ACY1: variants seen among roughly 807,000 people sequenced by gnomAD.
The protein encoded by ACY1 is aminoacylase 1.
ACY1 carries 38 observed loss-of-function variants against 53.3 expected under a neutral mutation model. The observed-to-expected ratio is 0.71, with a 90% CI of 0.55 to 0.93. ACY1 has a LOEUF of 0.93. Among genes scored for constraint, ACY1 ranks in the 40% least tolerant of loss-of-function variants. The pLI is 0.00. For synonymous variants in ACY1, 177 were observed against 202.1 expected (o/e 0.88, Z 1.05); for missense variants, 484 against 540.9 (o/e 0.89, Z 1.04).
rs758797065 is a variant in ACY1, at chr3:51,987,430, G to A, written c.829G>A (p.Val277Met). The change falls in exon 11 of 15, where the codon GTG becomes ATG. Residue 277 changes from valine to methionine, a missense_variant. By Grantham distance (21) the Val-to-Met change is conservative (BLOSUM62 1). Transcript: ENST00000636358. ...ATMSASFDFR[V>M]APDVDFKAFE... ...CATGAGCGCCAGCTTTGACTTCCGTGTGGCACCGGATGTGGACTTCAAGGT... is the reference window on the plus strand; with the variant it reads ...CATGAGCGCCAGCTTTGACTTCCGTATGGCACCGGATGTGGACTTCAAGGT... The A allele has an allele frequency of 6.3e-5, 102 of 1,614,206 alleles. No individual in the cohort carries two copies. Among genetic ancestry groups the A allele is most frequent in the Non-Finnish European group, 8.4e-5 (99 of 1,180,028 alleles).
In ACY1 at chr3:51,988,504, C is replaced by T. The variant is rs1701152861; in HGVS notation, c.922-20C>T. 1.2e-6 allele frequency: 2 copies of T among 1,611,150 alleles called. No homozygotes were observed. Among genetic ancestry groups the T allele is most frequent in the Non-Finnish European group, 1.7e-6 (2 of 1,177,404 alleles). ...TGCCCAGGCCCATGTCCTGATCCTG[C>T]CATTCTTCCTGTCCCTCAGAAGTGG... On this transcript the variant is annotated intron_variant, in intron 12 of 14. Coordinates refer to ENST00000636358, the MANE Select transcript of ACY1 (RefSeq NM_000666.3).
chr3:51,985,441 C>T lies in ACY1; in HGVS notation c.240C>T (p.His80=). The T allele has an allele frequency of 6.2e-7, 1 of 1,614,104 alleles. No individual in the cohort carries two copies. Among genetic ancestry groups the T allele is most frequent in the Non-Finnish European group, 8.5e-7 (1 of 1,180,022 alleles). ...PTLSSILLNS[H]TDVVPVFKEH... ...TCTCCTCCATCTTGCTCAACTCCCA[C>T]ACGGATGTGGTGCCTGTCTTCAAGG... The change falls in exon 4 of 15, where the codon CAC becomes CAT. Residue 80 remains histidine, a synonymous_variant. Transcript: ENST00000636358.
At chr3:51,986,533 C>T in intron 7 of ACY1, 29 bp downstream of exon 7, 1 of 1,614,126 alleles carries the variant, frequency 6.2e-7, no homozygotes, top group Non-Finnish European at 8.5e-7. Flanking sequence ...CAATGAGCAG[C>T]CAGGCAGGGA....
Position 51,986,622 on chromosome 3 carries a change from G to A in ACY1, c.544G>A (p.Asp182Asn), listed in dbSNP as rs781031234. 6.2e-7 allele frequency: 1 copy of A among 1,614,160 alleles called. No individual in the cohort carries two copies. Among genetic ancestry groups the A allele is most frequent in the Non-Finnish European group, 8.5e-7 (1 of 1,180,026 alleles). Reference sequence around the variant, plus strand: ...CTCCTCAGGCATAGCCAATCCCACTGATGCCTTCACTGTCTTTTATAGTGA... The same window carrying A: ...CTCCTCAGGCATAGCCAATCCCACTAATGCCTTCACTGTCTTTTATAGTGA... Reference protein sequence around the residue: ...ALDEGIANPTDAFTVFYSERS... With the variant: ...ALDEGIANPTNAFTVFYSERS... The change falls in exon 8 of 15, where the codon GAT (aspartate) becomes AAT (asparagine). Residue 182 changes from aspartate (D) to asparagine (N), a missense_variant. By Grantham distance (23) the Asp-to-Asn change is conservative. Coordinates refer to ENST00000636358, the MANE Select transcript of ACY1 (RefSeq NM_000666.3).
chr3:51,987,379 G>A lies in ACY1; in HGVS notation c.778G>A (p.Val260Met), dbSNP rs768267157. ...GAACCTGACTAAGCTAGAGGGTGGCGTGGCCTATAACGTGATACCTGCCAC... is the reference window on the plus strand; with the variant it reads ...GAACCTGACTAAGCTAGAGGGTGGCATGGCCTATAACGTGATACCTGCCAC... ...SVNLTKLEGGVAYNVIPATMS... is the reference protein window; with the variant it reads ...SVNLTKLEGGMAYNVIPATMS... The change falls in exon 11 of 15, where the codon GTG becomes ATG. Residue 260 changes from valine (V) to methionine (M), a missense_variant. Transcript: ENST00000636358. The A allele has an allele frequency of 6.4e-5, 104 of 1,614,024 alleles. 1 individual carries two copies. The highest frequency in any genetic ancestry group is 1.6e-4 in the South Asian group (15 of 91,084).
At chr3:51,986,956 G>A (rs767155768) in intron 8 of ACY1, 32 bp from the exon 9 acceptor site, 1 of 1,609,160 alleles carries the variant, frequency 6.2e-7, no homozygotes, top group Non-Finnish European at 8.5e-7. Flanking sequence ...CCCTCAGGCT[G>A]AAGACACTGC....
At position 51,985,212 on chromosome 3, in the gene ACY1, G is replaced by T; in HGVS notation, c.100G>T (p.Ala34Ser). Residue 34 changes from alanine to serine, a missense_variant, in exon 3 of 15, where the codon GCT (alanine) becomes TCT (serine). Ala to Ser is a moderately conservative substitution (Grantham distance 99, BLOSUM62 1). Coordinates refer to ENST00000636358, the MANE Select transcript of ACY1 (RefSeq NM_000666.3). ...TVQPKPDYGA[A>S]VAFFEETARQ... Reference sequence around the variant, plus strand: ...AAGACACTCTGTGCCTCCAGGAGCTGCTGTGGCTTTCTTTGAGGAGACAGC... The same window carrying T: ...AAGACACTCTGTGCCTCCAGGAGCTTCTGTGGCTTTCTTTGAGGAGACAGC... 6.2e-7 allele frequency: 1 copy of T among 1,603,294 alleles called. No homozygotes were observed. The highest frequency in any genetic ancestry group is 8.5e-7 in the Non-Finnish European group (1 of 1,175,534).
At chr3:51,985,659 G>T (rs537063139) in intron 4 of ACY1, among the ~76,000 whole-genome samples, 193 bp from the exon 5 acceptor site, 3 of 152,094 alleles carry the variant, frequency 2.0e-5, no homozygotes, top group Non-Finnish European at 4.4e-5. Flanking sequence ...GGTGGGGACT[G>T]GGGGGTGGGA....
rs768265341 is a variant in ACY1 at position 51,986,243 on chromosome 3, A to C, written c.360-12A>C. On this transcript the variant is annotated splice_polypyrimidine_tract_variant and intron_variant, in intron 5 of 14. Coordinates refer to ENST00000636358, the MANE Select transcript of ACY1 (RefSeq NM_000666.3). Reference sequence around the variant, plus strand: ...TGGTGGCTCCCCCAGCACCTGGCTTATGCCCCCTCAGGTACCTGGAAGCTG... The same window carrying C: ...TGGTGGCTCCCCCAGCACCTGGCTTCTGCCCCCTCAGGTACCTGGAAGCTG... The C allele has an allele frequency of 6.2e-7, 1 of 1,613,536 alleles. No homozygotes were observed. The highest frequency in any genetic ancestry group is 1.1e-5 in the South Asian group (1 of 91,024).
Position 51,985,835 on chromosome 3 carries a change from C to T in ACY1, c.265-17C>T, listed in dbSNP as rs1309263587. 1.2e-6 allele frequency: 2 copies of T among 1,610,078 alleles called. No individual in the cohort carries two copies. The highest frequency in any genetic ancestry group is 4.5e-5 in the East Asian group (2 of 44,780). ...TAAATTTGGGGTTTGGGCCCCTCTT[C>T]CCATCCCTGCCCCCAGGAACATTGG... On this transcript the variant is annotated splice_polypyrimidine_tract_variant and intron_variant, in intron 4 of 14. Transcript: ENST00000636358.
rs759658006 is a variant in ACY1 at position 51,987,526 on chromosome 3, T to A, written c.853-30T>A. Reference sequence around the variant, plus strand: ...TTGTCCTAGAGGCCTCTGGAAAGCCTGAAGGATCAGCTCGTCTCCCTTCTC... The same window carrying A: ...TTGTCCTAGAGGCCTCTGGAAAGCCAGAAGGATCAGCTCGTCTCCCTTCTC... On this transcript the variant is annotated intron_variant, in intron 11 of 14. Coordinates refer to ENST00000636358, the MANE Select transcript of ACY1 (RefSeq NM_000666.3). 4 of 1,613,882 alleles carry A rather than the reference T, an allele frequency of 2.5e-6. No homozygotes were observed. The African/African-American group carries it at 4.0e-5, about 16-fold the overall frequency.
At chr3:51,988,447 G>C in intron 12 of ACY1, 77 bp from the exon 13 acceptor site, 1 of 1,361,894 alleles carries the variant, frequency 7.3e-7, no homozygotes, top group South Asian at 1.2e-5. Flanking sequence ...TATGTACTAG[G>C]CACAGCCCAC....
At position 51,985,196 on chromosome 3, in the gene ACY1, T is replaced by A; in HGVS notation, c.95-11T>A. The A allele has an allele frequency of 6.2e-7, 1 of 1,600,406 alleles. No homozygotes were observed. The highest frequency in any genetic ancestry group is 1.1e-5 in the South Asian group (1 of 89,118). On this transcript the variant is annotated splice_polypyrimidine_tract_variant and intron_variant, in intron 2 of 14. Coordinates refer to ENST00000636358, the MANE Select transcript of ACY1 (RefSeq NM_000666.3). ...AGGCAGAAGCAGCCCCAAGACACTCTGTGCCTCCAGGAGCTGCTGTGGCTT... is the reference window on the plus strand; with the variant it reads ...AGGCAGAAGCAGCCCCAAGACACTCAGTGCCTCCAGGAGCTGCTGTGGCTT...
rs758148231 is a variant in ACY1 at position 51,985,430 on chromosome 3, C to T, written c.229C>T (p.Leu77Phe). The part of the protein sequence containing the change: ...GTNPTLSSIL[L>F]NSHTDVVPVF... ...CAACCCTACACTCTCCTCCATCTTG[C>T]TCAACTCCCACACGGATGTGGTGCC... is the stretch of plus-strand genomic sequence containing the variant. The change falls in exon 4 of 15, where the codon CTC becomes TTC. Residue 77 changes from leucine (L) to phenylalanine (F), a missense_variant. Leu to Phe is a conservative substitution (Grantham distance 22). Transcript: ENST00000636358. The T allele has an allele frequency of 1.2e-5, 20 of 1,614,000 alleles. No homozygotes were observed. The highest frequency in any genetic ancestry group is 1.7e-5 in the Non-Finnish European group (20 of 1,180,034).
At chr3:51,986,224 C>CAT in intron 5 of ACY1, 31 bp from the exon 6 acceptor site, 1 of 1,611,120 alleles carries the variant, frequency 6.2e-7, no homozygotes, top group Non-Finnish European at 8.5e-7. Flanking sequence ...CATCTGGTGG[C>CAT]TCCCCCAGCA....
chr3:51,986,759 TGAGA>T, intron 8 of ACY1, 98 bp downstream of exon 8: 1 of 1,503,118 alleles, frequency 6.7e-7, no homozygotes, highest in Non-Finnish European at 9.2e-7. Flanking sequence ...AGTTGAGGCC[TGAGA>T]AGGCCTTGAA....
intron 5 of ACY1, 148 bp downstream of exon 5, chr3:51,986,094 T>C (rs1701046296): frequency 2.8e-6 from 3 of 1,068,638 alleles, no homozygotes; most frequent in African/African-American, 1.6e-5. Flanking sequence ...ATTGCATGGA[T>C]AGGGAGATTC....
At chr3:51,985,594 G>A in intron 4 of ACY1, 129 bp downstream of exon 4, 1 of 901,460 alleles carries the variant, frequency 1.1e-6, no homozygotes, top group Non-Finnish European at 1.7e-6. Context: ...ACATCCTTAT[G>A]ACATTACACC....
rs759452517 is a variant in ACY1 at position 51,984,022 on chromosome 3, A to G, written c.-18-25A>G. 6.5e-6 allele frequency: 10 copies of G among 1,529,814 alleles called. 1 individual carries two copies. The South Asian group carries it at 1.1e-4, about 17-fold the overall frequency. The allele number at this position is 1,529,814 out of a possible 1,614,324, so 94.8% of individuals were successfully genotyped here. On this transcript the variant is annotated intron_variant, in intron 1 of 14. Transcript: ENST00000636358. ...ACCATTTCCAGGGTCTTGGAGGGGT[A>G]GTTAGCCATTCACTTTGCCCCCAGC... is the stretch of plus-strand genomic sequence containing the variant.
Sources: gnomAD v4.1 joint callset for allele counts (sites outside exome capture counted in the v4.1 genomes callset) on GRCh38, gnomAD v4.1.1 for gene constraint, MANE v1.5 for transcripts, NCBI Gene and HGNC (gene_info 2026-07-23, HGNC 2026-07-21) for gene names.